The following CSMD1 variants were observed in gnomAD, a reference collection of about 807,000 sequenced individuals.
CSMD1 encodes CUB and sushi domain-containing protein 1.
A neutral mutation model predicts 417.5 loss-of-function variants in CSMD1; 213 were observed. That is an observed-to-expected ratio of 0.51 (90% confidence interval 0.46 to 0.57). CSMD1 has a LOEUF of 0.57. Ranked by LOEUF, CSMD1 falls within the 20% of genes least tolerant of loss-of-function variation. The pLI is 0.00. For missense variants in CSMD1, 6,923 were observed against 4,529.7 expected, an observed-to-expected ratio of 1.53 and a Z score of -15.17; for synonymous variants, 2,862 against 1,736.8, an observed-to-expected ratio of 1.65 and a Z score of -16.11.
chr8:3,577,168 C>T (rs1182000307), intron 9 of CSMD1, among the ~76,000 whole-genome samples: 7 of 152,168 alleles, frequency 4.6e-5, no homozygotes, highest in African/African-American at 1.4e-4. Flanking sequence ...GTCCTAGGTG[C>T]CTGCTGTGAA....
At chr8:4,848,049 A>C (rs760027664) in intron 1 of CSMD1, among the ~76,000 whole-genome samples, 3 of 152,100 alleles carry the variant, frequency 2.0e-5, no homozygotes, top group Admixed American at 6.6e-5. Flanking sequence ...TGTTGGGGAC[A>C]TTTCCTATGA....
intron 7 of CSMD1, among the ~76,000 whole-genome samples, chr8:3,636,364 G>C (rs1797047026): frequency 6.6e-6 from 1 of 152,288 alleles, no homozygotes; most frequent in East Asian, 1.9e-4. Context: ...TTTTAGTAGA[G>C]ATGAGGGTTC....
intron 37 of CSMD1, among the ~76,000 whole-genome samples, chr8:3,164,445 T>C (rs1225621856): frequency 6.6e-6 from 1 of 152,198 alleles, no homozygotes; most frequent in East Asian, 1.9e-4. Context: ...TGAAAAAATA[T>C]ATACAATCAC....
intron 5 of CSMD1, among the ~76,000 whole-genome samples, chr8:3,991,835 G>A (rs1053949853): frequency 1.3e-5 from 2 of 152,086 alleles, no homozygotes; most frequent in African/African-American, 2.4e-5. Flanking sequence ...CTTTTTGGAT[G>A]GTTGAATATT....
At chr8:3,866,198 G>A (rs1805091642) in intron 5 of CSMD1, among the ~76,000 whole-genome samples, 1 of 152,152 alleles carries the variant, frequency 6.6e-6, no homozygotes, top group Non-Finnish European at 1.5e-5. Context: ...GCCTAAATGA[G>A]TAAAGCATTA....
chr8:3,602,716 TACACACAC>T (rs34593924), intron 8 of CSMD1, among the ~76,000 whole-genome samples: 337 of 146,696 alleles, frequency 2.3e-3, no homozygotes, highest in Non-Finnish European at 3.4e-3. Flanking sequence ...CAGGAAGAAT[TACACACAC>T]ACACACACAC....
chr8:4,065,641 G>A (rs1167045567), intron 3 of CSMD1, among the ~76,000 whole-genome samples: 7 of 152,126 alleles, frequency 4.6e-5, no homozygotes, highest in Non-Finnish European at 1.0e-4. Flanking sequence ...ACCAAGGCCA[G>A]GCAATGCCTT....
intron 3 of CSMD1, among the ~76,000 whole-genome samples, chr8:4,381,460 G>T (rs536569033): frequency 1.3e-5 from 2 of 152,166 alleles, no homozygotes; most frequent in Non-Finnish European, 2.9e-5. Flanking sequence ...GTGCCGACGT[G>T]TGCTAAAGAT....
chr8:3,701,448 T>C (rs898598246), intron 7 of CSMD1, among the ~76,000 whole-genome samples: 6 of 151,982 alleles, frequency 3.9e-5, no homozygotes, highest in Non-Finnish European at 7.4e-5. Flanking sequence ...CTGGCGGTTA[T>C]GGTGCTAAAC....
chr8:4,055,397 AAT>A (rs1176288704), intron 3 of CSMD1, among the ~76,000 whole-genome samples: 13 of 152,182 alleles, frequency 8.5e-5, no homozygotes, highest in Admixed American at 7.2e-4. Flanking sequence ...TGATTAATCC[AAT>A]ACATATTTTA....
chr8:3,043,932 T>C (rs1006012468), intron 50 of CSMD1: 4 of 152,282 alleles, frequency 2.6e-5, no homozygotes, highest in Admixed American at 6.6e-5. Context: ...TAAATATTCA[T>C]AAATAAAAAT....
intron 3 of CSMD1, among the ~76,000 whole-genome samples, chr8:4,325,330 G>A (rs1047019272): frequency 2.0e-5 from 3 of 152,154 alleles, no homozygotes; most frequent in African/African-American, 4.8e-5. Context: ...AGTAGTTGGA[G>A]GTGGAGGGTT....
chr8:3,366,704 C>A (rs1175471402), intron 20 of CSMD1, among the ~76,000 whole-genome samples: 1 of 152,174 alleles, frequency 6.6e-6, no homozygotes, highest in Non-Finnish European at 1.5e-5. Flanking sequence ...AATAAAGGAA[C>A]TTTCCTCAGA....
chr8:3,920,193 C>A (rs917036922), intron 5 of CSMD1, among the ~76,000 whole-genome samples: 1 of 152,044 alleles, frequency 6.6e-6, no homozygotes, highest in Non-Finnish European at 1.5e-5. Context: ...GCCAGCATAT[C>A]TGGCTAACTT....
intron 10 of CSMD1, among the ~76,000 whole-genome samples, chr8:3,574,193 T>C (rs1449098866): frequency 6.6e-6 from 1 of 152,216 alleles, no homozygotes; most frequent in Non-Finnish European, 1.5e-5. Flanking sequence ...GTATATAGCT[T>C]ATGAGAAGAA....
intron 1 of CSMD1, among the ~76,000 whole-genome samples, chr8:4,790,997 T>TA (rs1797654442): frequency 6.6e-6 from 1 of 152,034 alleles, no homozygotes; most frequent in Non-Finnish European, 1.5e-5. Context: ...CTAATTAGAC[T>TA]AAAAAGTTCT....
intron 25 of CSMD1, among the ~76,000 whole-genome samples, chr8:3,305,696 T>G (rs1448336110): frequency 6.6e-6 from 1 of 152,202 alleles, no homozygotes; most frequent in Non-Finnish European, 1.5e-5. Context: ...ATATTCTTTT[T>G]CTTGAGACAC....
chr8:4,828,493 G>A (rs964306461), intron 1 of CSMD1, among the ~76,000 whole-genome samples: 1 of 151,998 alleles, frequency 6.6e-6, no homozygotes, highest in African/African-American at 2.4e-5. Context: ...AGTGTCTTGG[G>A]GTAAGATCCG....
At chr8:4,869,192 A>G (rs1802588570) in intron 1 of CSMD1, among the ~76,000 whole-genome samples, 1 of 151,942 alleles carries the variant, frequency 6.6e-6, no homozygotes, top group Non-Finnish European at 1.5e-5. Context: ...AATTTTGTAC[A>G]CCTGCTATAA....
Sources: allele counts gnomAD v4.1 joint callset (sites outside exome capture counted in the v4.1 genomes callset), GRCh38; gene constraint gnomAD v4.1.1; transcripts MANE v1.5; gene names NCBI Gene and HGNC (gene_info 2026-07-23, HGNC 2026-07-21).